TAF4: variants seen among roughly 807,000 people sequenced by gnomAD.
TAF4 encodes the protein transcription initiation factor TFIID subunit 4.
In TAF4, 9 loss-of-function variants were observed where a neutral mutation model predicts 90.3. That is an observed-to-expected ratio of 0.10 (90% CI 0.06 to 0.17). The LOEUF (loss-of-function observed/expected upper bound fraction) is 0.17. TAF4 is among the 10% of genes least tolerant of loss of function. The pLI is 1.00. For missense variants in TAF4, 1,351 were observed against 1,370.7 expected, an observed-to-expected ratio of 0.99 and a Z score of 0.23; for synonymous variants, 818 against 638.9, an observed-to-expected ratio of 1.28 and a Z score of -4.23.
At chr20:62,052,544 G>A (rs1460031051) in intron 1 of TAF4, among the ~76,000 whole-genome samples, 1 of 151,260 alleles carries the variant, frequency 6.6e-6, no homozygotes, top group East Asian at 2.0e-4. Flanking sequence ...TGCCCTGTGG[G>A]TCACTGCCTC....
At chr20:62,027,088 G>A (rs1392808367) in intron 1 of TAF4, among the ~76,000 whole-genome samples, 1 of 152,228 alleles carries the variant, frequency 6.6e-6, no homozygotes, top group Non-Finnish European at 1.5e-5. Flanking sequence ...AACTCCGAGT[G>A]AGAAGTTCAC....
chr20:62,034,552 G>A (rs892765033), intron 1 of TAF4, among the ~76,000 whole-genome samples: 16 of 151,852 alleles, frequency 1.1e-4, no homozygotes, highest in African/African-American at 3.9e-4. Flanking sequence ...CTGGTCTCAA[G>A]CTCCTGACCT....
At chr20:61,983,056 G>A (rs992065454) in intron 14 of TAF4, among the ~76,000 whole-genome samples, 1 of 152,166 alleles carries the variant, frequency 6.6e-6, no homozygotes, top group Non-Finnish European at 1.5e-5. Context: ...AGGCGGAGGC[G>A]GGAGAGGGAG....
chr20:62,059,856 A>G (rs1423429268), intron 1 of TAF4, among the ~76,000 whole-genome samples: 1 of 152,246 alleles, frequency 6.6e-6, no homozygotes, highest in Non-Finnish European at 1.5e-5. Flanking sequence ...CAAGATCCTC[A>G]AACACAGCTG....
chr20:61,990,111 G>T (rs1049671943), intron 14 of TAF4, among the ~76,000 whole-genome samples: 1 of 152,176 alleles, frequency 6.6e-6, no homozygotes, highest in Non-Finnish European at 1.5e-5. Flanking sequence ...TGACCAGGAG[G>T]GCTGCCTAGT....
intron 1 of TAF4, among the ~76,000 whole-genome samples, chr20:62,021,324 G>C (rs531047894): frequency 4.6e-5 from 7 of 152,338 alleles, no homozygotes; most frequent in Middle Eastern, 3.4e-3. Context: ...GGAAACAAGG[G>C]GACTCTCAAG....
At chr20:62,007,400 A>G in intron 6 of TAF4, 147 bp downstream of exon 6, 1 of 681,038 alleles carries the variant, frequency 1.5e-6, no homozygotes, top group Non-Finnish European at 2.5e-6. Flanking sequence ...GTCCCCAGGC[A>G]CTGAGTCCCC....
At chr20:62,018,168 G>A (rs2055823338) in intron 1 of TAF4, among the ~76,000 whole-genome samples, 1 of 152,214 alleles carries the variant, frequency 6.6e-6, no homozygotes, top group African/African-American at 2.4e-5. Flanking sequence ...CCGAACTGAG[G>A]TTTGCTTCCA....
chr20:61,997,074 G>C (rs1393031248), intron 14 of TAF4, among the ~76,000 whole-genome samples: 1 of 152,036 alleles, frequency 6.6e-6, no homozygotes, highest in Non-Finnish European at 1.5e-5. Context: ...ACATGTCAAG[G>C]CTGGGTTTAT....
intron 1 of TAF4, among the ~76,000 whole-genome samples, chr20:62,023,110 C>A (rs567055637): frequency 2.6e-5 from 4 of 152,160 alleles, no homozygotes; most frequent in Non-Finnish European, 5.9e-5. Context: ...GAAATTCATA[C>A]AGAAATGCAA....
chr20:62,053,609 G>A (rs562849934), intron 1 of TAF4, among the ~76,000 whole-genome samples: 1 of 152,160 alleles, frequency 6.6e-6, no homozygotes, highest in Admixed American at 6.5e-5. Flanking sequence ...AAGCAACTCC[G>A]CCAGCAAGCT....
Position 62,065,692 on chromosome 20 carries a change from TG to T in TAF4, c.118del (p.His40ThrfsTer24). On this transcript the variant is annotated frameshift_variant, in exon 1 of 15. Coordinates refer to ENST00000252996, the MANE Select transcript of TAF4 (RefSeq NM_003185.4). LOFTEE classifies it high-confidence loss of function. ...GGGCGTGCGCGGCGCGAGGTGGTGG[TG>T]GTGGGCCGCGCTGGCCGCCAGCTGC... ...ESQLAASAAHHHHLAPRTPEV... is the reference protein window; with the variant it reads ...ESQLAASAAHXHHLAPRTPEV... 8.0e-7 allele frequency: 1 copy of T among 1,248,338 alleles called. No individual in the cohort carries two copies. The highest frequency in any genetic ancestry group is 1.6e-5 in the South Asian group (1 of 62,504). 77.3% of individuals were successfully genotyped at this position (1,248,338 alleles called of 1,614,324 possible). A position where few individuals can be genotyped will look rare whatever the true frequency, so the allele number is the denominator to read the frequency against.
At chr20:61,977,951 G>C (rs961541786) in intron 14 of TAF4, among the ~76,000 whole-genome samples, 1 of 152,236 alleles carries the variant, frequency 6.6e-6, no homozygotes, top group African/African-American at 2.4e-5. Flanking sequence ...AAGGAGAGAC[G>C]CTCATCTCAG....
chr20:61,991,460 T>G (rs1347472191), intron 14 of TAF4, among the ~76,000 whole-genome samples: 2 of 150,728 alleles, frequency 1.3e-5, no homozygotes, highest in Non-Finnish European at 3.0e-5. Flanking sequence ...AGAGAGAAAT[T>G]AGGCTGGACA....
intron 1 of TAF4, among the ~76,000 whole-genome samples, chr20:62,061,592 C>T (rs1482055369): frequency 6.6e-6 from 1 of 152,220 alleles, no homozygotes; most frequent in Non-Finnish European, 1.5e-5. Flanking sequence ...GAAAAGATCT[C>T]TCAACAATTT....
intron 1 of TAF4, among the ~76,000 whole-genome samples, chr20:62,030,357 T>C (rs530085784): frequency 2.6e-5 from 4 of 152,342 alleles, no homozygotes; most frequent in Admixed American, 1.3e-4. Context: ...CCACAGCCTT[T>C]TCATGCCAAA....
Position 62,034,416 on chromosome 20 carries a change from TG to T in TAF4, c.1361-19710del, listed in dbSNP as rs2055921044. On this transcript the variant is annotated intron_variant, in intron 1 of 14. Coordinates refer to ENST00000252996, the MANE Select transcript of TAF4 (RefSeq NM_003185.4). The stretch of plus-strand genomic sequence containing the variant: ...ATAGCTCACTGTAGCCTCAAACTCC[TG>T]GGCTCAAGCGATCCTCCCACCCCAA... Among the ~76,000 whole-genome samples, 3 of 152,238 alleles carry T rather than the reference TG, an allele frequency of 2.0e-5. No individual in the cohort carries two copies. In the South Asian group the frequency reaches 6.2e-4, roughly 32 times the overall value.
At chr20:62,026,331 C>T (rs1052741136) in intron 1 of TAF4, among the ~76,000 whole-genome samples, 2 of 152,152 alleles carry the variant, frequency 1.3e-5, no homozygotes, top group Non-Finnish European at 2.9e-5. Flanking sequence ...GCACCCCAAG[C>T]GATCACACCC....
At chr20:62,000,788 T>C in intron 9 of TAF4, 67 bp from the exon 10 acceptor site, 5 of 1,578,402 alleles carry the variant, frequency 3.2e-6, no homozygotes, top group Non-Finnish European at 4.3e-6. Context: ...GCTGGGGTGG[T>C]AAGGGCAGGA....
Sources: gnomAD v4.1 joint callset for allele counts (sites outside exome capture counted in the v4.1 genomes callset) on GRCh38, gnomAD v4.1.1 for gene constraint, MANE v1.5 for transcripts, NCBI Gene and HGNC (gene_info 2026-07-23, HGNC 2026-07-21) for gene names.